NTAN1: variants seen among roughly 807,000 people sequenced by gnomAD.
NTAN1 encodes N-terminal asparagine amidase.
Under a neutral mutation model 41.9 loss-of-function variants are expected in NTAN1, and 32 were observed. That is an observed-to-expected ratio of 0.76 (90% CI 0.58 to 1.03). The LOEUF is 1.03. Ranked by LOEUF, NTAN1 falls within the 50% of genes least tolerant of loss-of-function variation. NTAN1 has a pLI of 0.00. For synonymous variants in NTAN1, 140 were observed against 139.5 expected, an observed-to-expected ratio of 1.00 and a Z score of -0.03; for missense variants, 377 against 377.5, an observed-to-expected ratio of 1.00 and a Z score of 0.01.
rs972570774 is a variant in NTAN1, at chr16:15,056,074, C to G, written c.-103G>C. 3.1e-5 allele frequency: 11 copies of G among 352,236 alleles called. No homozygotes were observed. Among genetic ancestry groups the G allele is most frequent in the African/African-American group, 1.1e-4 (5 of 45,294 alleles). 21.8% of individuals were successfully genotyped at this position (352,236 alleles called of 1,614,324 possible). ...GCCCCTCGGGCCGCGCGTCCCGCCT[C>G]GTCCTGCCCCGCCCCACCGCGGGCG... On this transcript the variant is annotated 5_prime_UTR_variant, in exon 1 of 10. Transcript: ENST00000287706.
rs149117162 is a variant in NTAN1, at chr16:15,038,666, C to G, written c.661G>C (p.Glu221Gln). 1 of 1,589,604 alleles carries G rather than the reference C, an allele frequency of 6.3e-7. No individual in the cohort carries two copies. Residue 221 changes from glutamate to glutamine, a missense_variant, in exon 9 of 10, where the codon GAG becomes CAG. Glu to Gln is a conservative substitution (Grantham distance 29). Coordinates refer to ENST00000287706, the MANE Select transcript of NTAN1 (RefSeq NM_173474.4). ...GGTCCTATACGAAGTTGTTCTGTCT[C>G]TGCATCATAAATGCTAATCATCTAA... Reference protein sequence around the residue: ...GGPMISIYDAETEQLRIGPYS... With the variant: ...GGPMISIYDAQTEQLRIGPYS...
At chr16:15,047,682 C>T in intron 3 of NTAN1, 132 bp from the exon 4 acceptor site, 1 of 909,284 alleles carries the variant, frequency 1.1e-6, no homozygotes, top group South Asian at 1.4e-5. Context: ...CAGGTCTGTG[C>T]TCCCCAGCCA....
Position 15,037,903 on chromosome 16 carries a change from T to C in NTAN1, c.*128A>G. 1.7e-6 allele frequency: 1 copy of C among 597,130 alleles called. No individual in the cohort carries two copies. Among genetic ancestry groups the C allele is most frequent in the Non-Finnish European group, 3.0e-6 (1 of 336,838 alleles). The allele number at this position is 597,130 out of a possible 1,614,324, so 37.0% of individuals were successfully genotyped here. A position where few individuals can be genotyped will look rare whatever the true frequency, so the allele number is the denominator to read the frequency against. On this transcript the variant is annotated 3_prime_UTR_variant, in exon 10 of 10. Coordinates refer to ENST00000287706, the MANE Select transcript of NTAN1 (RefSeq NM_173474.4). ...TTTGAAAGTCATTTGATGAAAGTCATTTGAAAGACACTGAGGAGGGAAGGA... is the reference window on the plus strand; with the variant it reads ...TTTGAAAGTCATTTGATGAAAGTCACTTGAAAGACACTGAGGAGGGAAGGA...
At chr16:15,041,555 C>G in intron 6 of NTAN1, 68 bp downstream of exon 6, 4 of 1,105,142 alleles carry the variant, frequency 3.6e-6, no homozygotes, top group Non-Finnish European at 5.6e-6. Context: ...CTTGGGCCCA[C>G]TGCAAGACTG....
In NTAN1 at chr16:15,047,547, T is replaced by C. The variant is rs1286494802; in HGVS notation, c.254A>G (p.Asn85Ser). 1.2e-6 allele frequency: 2 copies of C among 1,610,402 alleles called. No individual in the cohort carries two copies. Among genetic ancestry groups the C allele is most frequent in the Admixed American group, 1.7e-5 (1 of 60,004 alleles). The change falls in exon 4 of 10, where the codon AAT (asparagine) becomes AGT (serine). Residue 85 changes from asparagine to serine, a missense_variant. By Grantham distance (46) the Asn-to-Ser change is conservative (BLOSUM62 1). Transcript: ENST00000287706. ...CHIVVLRHTG[N>S]GATCLTHCDG... ...ACAATGTGTCAAGCAGGTGGCCCCA[T>C]TACCTGAAGAACAAGGGTGAAAGGA...
At chr16:15,045,045 C>T (rs1189347667) in intron 4 of NTAN1, 1 of 151,894 alleles carries the variant, frequency 6.6e-6, no homozygotes, top group East Asian at 1.9e-4. Context: ...AACTGCTTGA[C>T]CCTGGGAGGC....
In NTAN1 at chr16:15,038,104, G is replaced by A. The variant is rs772288495; in HGVS notation, c.860C>T (p.Ser287Phe). The A allele has an allele frequency of 3.0e-5, 48 of 1,612,526 alleles. No individual in the cohort carries two copies. The highest frequency in any genetic ancestry group is 3.9e-5 in the Non-Finnish European group (46 of 1,178,778). The change falls in exon 10 of 10, where the codon TCT becomes TTT. Residue 287 changes from serine (S) to phenylalanine (F), a missense_variant. Ser to Phe is a radical substitution (Grantham distance 155, BLOSUM62 -2). Transcript: ENST00000287706. ...TTTGTAGAGTAGGGCTTTATTTCCA[G>A]AAAACAGTGTGTGAGCTGGAGATGG... ...KHPSPAHTLF[S>F]GNKALLYKKN...
intron 8 of NTAN1, 25 bp downstream of exon 8, chr16:15,039,944 T>A: frequency 7.1e-7 from 1 of 1,407,916 alleles, no homozygotes; most frequent in African/African-American, 1.4e-5. Flanking sequence ...TTTTAACCCC[T>A]TAACAAAGAT....
chr16:15,055,440 C>G (rs1396116111), intron 1 of NTAN1, among the ~76,000 whole-genome samples: 6 of 152,214 alleles, frequency 3.9e-5, no homozygotes, highest in Non-Finnish European at 7.3e-5. Flanking sequence ...CCAGGCCAAA[C>G]GCTCTCCGAA....
At chr16:15,052,825 TC>T (rs2044349725) in intron 1 of NTAN1, among the ~76,000 whole-genome samples, 1 of 151,260 alleles carries the variant, frequency 6.6e-6, no homozygotes, top group Non-Finnish European at 1.5e-5. Context: ...GCTCTGTCTC[TC>T]AAAAAAAAAA....
intron 4 of NTAN1, among the ~76,000 whole-genome samples, chr16:15,046,259 CTCTT>C (rs1480672569): frequency 6.6e-6 from 1 of 152,260 alleles, no homozygotes; most frequent in African/African-American, 2.4e-5. Context: ...AGAGAACTCT[CTCTT>C]TCCTTTTTAG....
Position 15,038,351 on chromosome 16 carries a change from G to A in NTAN1, c.754-141C>T. 4 of 651,884 alleles carry A rather than the reference G, an allele frequency of 6.1e-6. No individual in the cohort carries two copies. The South Asian group carries it at 8.7e-5, about 14-fold the overall frequency. The allele number at this position is 651,884 out of a possible 1,614,324, so 40.4% of individuals were successfully genotyped here. On this transcript the variant is annotated intron_variant, in intron 9 of 9. Transcript: ENST00000287706. ...GAAATGAGGTGGCCTGAATTAGTAA[G>A]AAAAAAGTTGATTGCTTACTGCTTT...
intron 8 of NTAN1, among the ~76,000 whole-genome samples, chr16:15,039,349 A>G (rs2043703093): frequency 6.6e-6 from 1 of 152,208 alleles, no homozygotes; most frequent in African/African-American, 2.4e-5. Context: ...GCATTTCATA[A>G]ATGAGAAGAT....
chr16:15,050,427 G>A (rs1000969056), intron 1 of NTAN1, among the ~76,000 whole-genome samples: 1 of 152,054 alleles, frequency 6.6e-6, no homozygotes, highest in Non-Finnish European at 1.5e-5. Context: ...TTAGGTTAGC[G>A]CTCACTTAAT....
At chr16:15,043,541 C>T (rs2043918988) in intron 5 of NTAN1, among the ~76,000 whole-genome samples, 1 of 152,216 alleles carries the variant, frequency 6.6e-6, no homozygotes, top group Non-Finnish European at 1.5e-5. Flanking sequence ...GGCCTTCAGT[C>T]ATGATGCCAA....
intron 1 of NTAN1, among the ~76,000 whole-genome samples, chr16:15,054,488 G>A (rs372800660): frequency 2.0e-5 from 3 of 152,122 alleles, no homozygotes; most frequent in Non-Finnish European, 4.4e-5. Flanking sequence ...ATTTTTCCTT[G>A]GTGAGTCCTA....
chr16:15,044,210 C>T, intron 5 of NTAN1, 124 bp downstream of exon 5: 1 of 664,214 alleles, frequency 1.5e-6, no homozygotes, highest in Non-Finnish European at 2.7e-6. Flanking sequence ...CAGTCTGTTT[C>T]TCTGTGCTGC....
intron 7 of NTAN1, chr16:15,040,394 G>T: frequency 3.4e-6 from 1 of 290,122 alleles, no homozygotes; most frequent in Non-Finnish European, 6.3e-6. Context: ...AGGGGTGGCT[G>T]GGTGAACTGT....
intron 4 of NTAN1, 21 bp downstream of exon 4, chr16:15,047,421 T>A (rs1332593431): frequency 1.4e-6 from 2 of 1,458,410 alleles, no homozygotes; most frequent in South Asian, 2.3e-5. Context: ...AATTCACCTA[T>A]GAGAGCAGCG....
Sources: gnomAD v4.1 joint callset for allele counts (sites outside exome capture counted in the v4.1 genomes callset) on GRCh38, gnomAD v4.1.1 for gene constraint, MANE v1.5 for transcripts, NCBI Gene and HGNC (gene_info 2026-07-23, HGNC 2026-07-21) for gene names.